The following STK11 variants were observed in gnomAD, a reference collection of about 807,000 sequenced individuals.
STK11 encodes serine/threonine kinase 11.
Under a neutral mutation model 47.3 loss-of-function variants are expected in STK11, and 8 were observed. The ratio of observed to expected loss-of-function variants is 0.17; its 90% confidence interval spans 0.10 to 0.31. STK11 has a LOEUF of 0.31. STK11 is among the 10% of genes least tolerant of loss of function. The probability of loss-of-function intolerance (pLI) is 1.00; values close to 1 mark genes in which losing one functional copy is unlikely to be tolerated. For synonymous variants in STK11, 330 were observed against 255.8 expected (o/e 1.29, Z -2.77); for missense variants, 475 against 605.0 (o/e 0.79, Z 2.25).
At chr19:1,226,112 G>C (rs1205747299) in intron 8 of STK11, 1 of 1,135,318 alleles carries the variant, frequency 8.8e-7, no homozygotes, top group Non-Finnish European at 1.1e-6. Flanking sequence ...GGTGCCCCAG[G>C]GGAGCACGGG....
intron 1 of STK11, among the ~76,000 whole-genome samples, chr19:1,209,438 C>T (rs1430099741): frequency 6.6e-6 from 1 of 152,046 alleles, no homozygotes; most frequent in Non-Finnish European, 1.5e-5. Context: ...CAAAAGTTAG[C>T]CGAGTGTGGT....
rs572966632 is a variant in STK11 at position 1,207,561 on chromosome 19, G to A, written c.290+358G>A. 3.3e-5 allele frequency among the ~76,000 whole-genome samples: 5 copies of A among 152,322 alleles called. 1 individual carries two copies. In the East Asian group the frequency reaches 9.7e-4, roughly 29 times the overall value. ...GGAGCAGAGGCGCCCAGTGGAATCA[G>A]CCTGTGTTTGTTTGGGCCCCGAGAG... On this transcript the variant is annotated intron_variant, in intron 1 of 9. Transcript: ENST00000326873.
In STK11 at chr19:1,206,726, G is replaced by A. The variant is rs2080667815; in HGVS notation, c.-188G>A. 2 of 811,690 alleles carry A rather than the reference G, an allele frequency of 2.5e-6. No individual in the cohort carries two copies. Among genetic ancestry groups the A allele is most frequent in the Non-Finnish European group, 3.7e-6 (2 of 540,104 alleles). 50.3% of individuals were successfully genotyped at this position (811,690 alleles called of 1,614,324 possible). On this transcript the variant is annotated 5_prime_UTR_variant, in exon 1 of 10. Transcript: ENST00000326873. ...CTGCACCGGGCTTGGACTCGCAGCC[G>A]GGACTGACGTGTAGAACAATCGTTT...
At chr19:1,220,825 C>G in intron 5 of STK11, 108 bp downstream of exon 5, 3 of 1,462,938 alleles carry the variant, frequency 2.1e-6, no homozygotes, top group Non-Finnish European at 2.7e-6. Flanking sequence ...CCGGCCCAGA[C>G]CCTCTCTGGC....
At chr19:1,210,470 C>T (rs1377532965) in intron 1 of STK11, among the ~76,000 whole-genome samples, 1 of 152,180 alleles carries the variant, frequency 6.6e-6, no homozygotes. Context: ...CCCGTCTCTT[C>T]CCTTCCTTCC....
intron 8 of STK11, chr19:1,224,699 TG>T: frequency 1.0e-6 from 1 of 985,668 alleles, no homozygotes; most frequent in South Asian, 4.7e-5. Flanking sequence ...GTGAGGTGCC[TG>T]GGAGGAGAGC....
chr19:1,225,690 T>C (rs2080815916), intron 8 of STK11: 2 of 985,536 alleles, frequency 2.0e-6, no homozygotes, highest in Non-Finnish European at 2.4e-6. Flanking sequence ...ACTGGGCACA[T>C]GAGCTCTGGG....
chr19:1,212,748 G>T (rs2080719896), intron 1 of STK11, among the ~76,000 whole-genome samples: 1 of 151,728 alleles, frequency 6.6e-6, no homozygotes, highest in Non-Finnish European at 1.5e-5. Flanking sequence ...GTTTCACCGT[G>T]TTAGCCAGTA....
chr19:1,221,140 G>C (rs1281197815), intron 5 of STK11, 73 bp from the exon 6 acceptor site: 1 of 1,591,276 alleles, frequency 6.3e-7, no homozygotes, highest in African/African-American at 1.3e-5. Context: ...CTGTCCCTGG[G>C]GTAGAGCTGG....
intron 1 of STK11, among the ~76,000 whole-genome samples, chr19:1,211,464 G>T (rs549961964): frequency 2.0e-5 from 3 of 151,736 alleles, no homozygotes; most frequent in African/African-American, 4.9e-5. Context: ...GGGTTCTGGG[G>T]GGGGGGGTGC....
chr19:1,218,396 C>G, intron 1 of STK11, 21 bp from the exon 2 acceptor site: 4 of 1,604,704 alleles, frequency 2.5e-6, no homozygotes, highest in Non-Finnish European at 1.7e-6. Context: ...GGCTGATACA[C>G]CCCTGTCCTC....
chr19:1,217,565 G>C (rs1174158551), intron 1 of STK11, among the ~76,000 whole-genome samples: 2 of 152,116 alleles, frequency 1.3e-5, no homozygotes, highest in Non-Finnish European at 2.9e-5. Flanking sequence ...GGTGGGCGTG[G>C]CCAACTGGGC....
At chr19:1,223,614 A>C in intron 8 of STK11, 1 of 1,067,360 alleles carries the variant, frequency 9.4e-7, no homozygotes, top group Non-Finnish European at 1.1e-6. Flanking sequence ...GCTGGCCCTG[A>C]TGCCGGCCGC....
Position 1,221,333 on chromosome 19 carries a change from G to C in STK11, c.855G>C (p.Leu285=), listed in dbSNP as rs1599927757. The C allele has an allele frequency of 1.2e-6, 2 of 1,607,438 alleles. No homozygotes were observed. The highest frequency in any genetic ancestry group is 1.7e-6 in the Non-Finnish European group (2 of 1,177,064). ...PGDCGPPLSD[L]LKGMLEYEPA... is the part of the protein sequence containing the mutation. The stretch of plus-strand genomic sequence containing the variant: ...ACTGTGGCCCCCCGCTCTCTGACCT[G>C]CTGAAAGGTGGGAGCCTCATCCCTC... Residue 285 remains leucine, a synonymous_variant, in exon 6 of 10, where the codon CTG becomes CTC. Transcript: ENST00000326873.
chr19:1,210,362 T>C (rs1013215633), intron 1 of STK11, among the ~76,000 whole-genome samples: 7 of 152,140 alleles, frequency 4.6e-5, no homozygotes, highest in African/African-American at 1.4e-4. Context: ...GTCTGGAACC[T>C]TCCAGACAAG....
At chr19:1,225,156 G>T in intron 8 of STK11, 1 of 985,492 alleles carries the variant, frequency 1.0e-6, no homozygotes, top group African/African-American at 1.7e-5. Context: ...AGTGGCGGCT[G>T]TGCCCGCTGA....
intron 1 of STK11, among the ~76,000 whole-genome samples, chr19:1,218,144 GA>G (rs56814888): frequency 4.5e-4 from 65 of 145,382 alleles, no homozygotes; most frequent in Middle Eastern, 3.5e-3. Flanking sequence ...CTCTGTCTCA[GA>G]AAAAAAAAAA....
intron 1 of STK11, among the ~76,000 whole-genome samples, chr19:1,210,242 C>A (rs1460404715): frequency 6.6e-6 from 1 of 152,180 alleles, no homozygotes; most frequent in Non-Finnish European, 1.5e-5. Context: ...ACTGCCCAGC[C>A]CTGAGGCCCA....
chr19:1,211,144 G>A (rs933900678), intron 1 of STK11, among the ~76,000 whole-genome samples: 1 of 152,190 alleles, frequency 6.6e-6, no homozygotes, highest in Non-Finnish European at 1.5e-5. Context: ...GCGTGGTGGC[G>A]CGCGCCTGTA....
Sources: gnomAD v4.1 joint callset for allele counts (sites outside exome capture counted in the v4.1 genomes callset) on GRCh38, gnomAD v4.1.1 for gene constraint, MANE v1.5 for transcripts, NCBI Gene and HGNC (gene_info 2026-07-23, HGNC 2026-07-21) for gene names.